The following FIGNL2 variants were observed in gnomAD, a reference collection of about 807,000 sequenced individuals.
FIGNL2 encodes fidgetin-like protein 2.
For synonymous variants in FIGNL2, 565 were observed against 484.0 expected (o/e 1.17, Z -2.20); for missense variants, 1,060 against 950.2 (o/e 1.12, Z -1.52).
intron 1 of FIGNL2, chr12:51,846,892 A>C: frequency 1.4e-6 from 1 of 712,668 alleles, no homozygotes; most frequent in Non-Finnish European, 1.7e-6. Flanking sequence ...CTTGGATGCC[A>C]ATGGAATCAA....
In FIGNL2 at chr12:51,818,924, C is replaced by T. The variant is rs2138964863; in HGVS notation, c.*1528G>A. 3 of 152,442 alleles carry T rather than the reference C, an allele frequency of 2.0e-5. No homozygotes were observed. In the South Asian group the frequency reaches 6.2e-4, roughly 32 times the overall value. 9.4% of individuals were successfully genotyped at this position (152,442 alleles called of 1,614,324 possible). A position where few individuals can be genotyped will look rare whatever the true frequency, so the allele number is the denominator to read the frequency against. ...GCCCCCAAGGTCAGAGAAAACACCC[C>T]TGCCCATCTCCCTCACCCTCTCCCA... On this transcript the variant is annotated 3_prime_UTR_variant, in exon 2 of 2. Coordinates refer to ENST00000618634, the MANE Select transcript of FIGNL2 (RefSeq NM_001384995.1).
At chr12:51,834,090 C>CAGACGGATGGGT (rs1939532222) in intron 1 of FIGNL2, among the ~76,000 whole-genome samples, 8 of 132,682 alleles carry the variant, frequency 6.0e-5, no homozygotes, top group Middle Eastern at 4.1e-3. Context: ...GACAGACAGA[C>CAGACGGATGGGT]GGATGGGTGG....
chr12:51,818,676 GC>G lies in FIGNL2; in HGVS notation c.*1775del, dbSNP rs1383912527. On this transcript the variant is annotated 3_prime_UTR_variant, in exon 2 of 2. Coordinates refer to ENST00000618634, the MANE Select transcript of FIGNL2 (RefSeq NM_001384995.1). ...GCAGTAGACTCTAGGAAATGCACGG[GC>G]AGGCAAGGAACTGCACAGGAGGCTG... The G allele has an allele frequency of 6.6e-5, 10 of 152,536 alleles. No individual in the cohort carries two copies. The highest frequency in any genetic ancestry group is 2.4e-4 in the African/African-American group (10 of 41,566). 9.4% of individuals were successfully genotyped at this position (152,536 alleles called of 1,614,324 possible).
chr12:51,836,322 GC>G (rs936486036), intron 1 of FIGNL2, among the ~76,000 whole-genome samples: 4 of 152,110 alleles, frequency 2.6e-5, no homozygotes, highest in Non-Finnish European at 4.4e-5. Flanking sequence ...GGGCTGCGCT[GC>G]CCTCCCCCAT....
At chr12:51,836,700 G>T (rs1939584154) in intron 1 of FIGNL2, among the ~76,000 whole-genome samples, 1 of 152,126 alleles carries the variant, frequency 6.6e-6, no homozygotes, top group Non-Finnish European at 1.5e-5. Flanking sequence ...CATTGAATAA[G>T]CCCCCACCAT....
intron 1 of FIGNL2, among the ~76,000 whole-genome samples, chr12:51,834,532 G>A (rs571454466): frequency 9.9e-5 from 15 of 152,252 alleles, no homozygotes; most frequent in South Asian, 2.1e-4. Context: ...TGCGGAGGCC[G>A]CCCCGCCAGT....
chr12:51,837,725 T>TA (rs1405670726), intron 1 of FIGNL2: 1 of 152,250 alleles, frequency 6.6e-6, no homozygotes, highest in African/African-American at 2.4e-5. Context: ...AGCTAGGCAA[T>TA]ATCCAGGAAC....
Position 51,821,042 on chromosome 12 carries a change from C to G in FIGNL2, c.1372G>C (p.Gly458Arg). 8.4e-7 allele frequency: 1 copy of G among 1,192,576 alleles called. No individual in the cohort carries two copies. Among genetic ancestry groups the G allele is most frequent in the Non-Finnish European group, 1.0e-6 (1 of 964,620 alleles). The allele number at this position is 1,192,576 out of a possible 1,614,324, so 73.9% of individuals were successfully genotyped here. ...GCGCCGGGCGCAGCCAGGGTCGCGC[C>G]GCGCAGGCGCAACAGCGTGGCGCCC... Reference protein sequence around the residue: ...QLGATLLRLRGATLAAPGAAE... With the variant: ...QLGATLLRLRRATLAAPGAAE... The change falls in exon 2 of 2, where the codon GGC (glycine) becomes CGC (arginine). Residue 458 changes from glycine to arginine, a missense_variant. Physicochemically the swap from Gly to Arg is moderately radical, Grantham distance 125. Coordinates refer to ENST00000618634, the MANE Select transcript of FIGNL2 (RefSeq NM_001384995.1).
At chr12:51,826,232 G>C (rs538571525) in intron 1 of FIGNL2, among the ~76,000 whole-genome samples, 14 of 152,042 alleles carry the variant, frequency 9.2e-5, no homozygotes, top group Non-Finnish European at 1.8e-4. Context: ...CTTGACCCTG[G>C]GTTCCCCACT....
Position 51,822,125 on chromosome 12 carries a change from C to T in FIGNL2, c.289G>A (p.Glu97Lys), listed in dbSNP as rs746898857. 2 of 1,610,746 alleles carry T rather than the reference C, an allele frequency of 1.2e-6. No homozygotes were observed. The highest frequency in any genetic ancestry group is 2.2e-5 in the East Asian group (1 of 44,702). ...GGTGGCTCCGGCCCTGGCCAGGGCT[C>T]GGGATCCCCTTTGGCGCCGTTGAGG... ...SFLNGAKGDP[E>K]PWPGPEPPYP... Residue 97 changes from glutamate (E) to lysine (K), a missense_variant, in exon 2 of 2, where the codon GAG becomes AAG. Transcript: ENST00000618634.
At chr12:51,827,991 C>G (rs1282197311) in intron 1 of FIGNL2, among the ~76,000 whole-genome samples, 1 of 152,224 alleles carries the variant, frequency 6.6e-6, no homozygotes, top group Non-Finnish European at 1.5e-5. Flanking sequence ...CCCTGAACCA[C>G]TTGCCTATAA....
At chr12:51,833,954 C>CGGAT (rs1190165019) in intron 1 of FIGNL2, among the ~76,000 whole-genome samples, 2 of 127,916 alleles carry the variant, frequency 1.6e-5, no homozygotes, top group East Asian at 2.2e-4. Context: ...GACAGACGGA[C>CGGAT]GGATGGATGG....
At chr12:51,829,444 C>G (rs139723424) in intron 1 of FIGNL2, among the ~76,000 whole-genome samples, 59 of 152,128 alleles carry the variant, frequency 3.9e-4, no homozygotes, top group African/African-American at 1.4e-3. Context: ...CTGCCACAGC[C>G]CTGGCACCTA....
chr12:51,833,341 C>A (rs999079514), intron 1 of FIGNL2, among the ~76,000 whole-genome samples: 7 of 152,222 alleles, frequency 4.6e-5, no homozygotes. Flanking sequence ...GCATGGGCCA[C>A]TGTGCCTGGC....
intron 1 of FIGNL2, among the ~76,000 whole-genome samples, chr12:51,828,868 C>T (rs543350074): frequency 6.6e-6 from 1 of 152,348 alleles, no homozygotes; most frequent in African/African-American, 2.4e-5. Context: ...TCTAACCTTC[C>T]TTTCTCATTA....
chr12:51,822,493 T>C, intron 1 of FIGNL2, 69 bp from the exon 2 acceptor site: 1 of 1,567,088 alleles, frequency 6.4e-7, no homozygotes, highest in African/African-American at 1.4e-5. Context: ...CTGCTAGCCA[T>C]AGGCCAGTCC....
At chr12:51,839,566 T>C (rs1015788290) in intron 1 of FIGNL2, among the ~76,000 whole-genome samples, 5 of 152,178 alleles carry the variant, frequency 3.3e-5, no homozygotes, top group African/African-American at 4.8e-5. Flanking sequence ...ACAGAGACGA[T>C]GTTAACCCTT....
chr12:51,832,643 C>A (rs1939494388), intron 1 of FIGNL2, among the ~76,000 whole-genome samples: 1 of 152,092 alleles, frequency 6.6e-6, no homozygotes, highest in African/African-American at 2.4e-5. Flanking sequence ...GCCTTCTTTT[C>A]CCTCTCCATG....
intron 1 of FIGNL2, chr12:51,847,301 G>A (rs957735343): frequency 1.7e-5 from 17 of 985,420 alleles, no homozygotes; most frequent in Non-Finnish European, 2.0e-5. Flanking sequence ...GAGACTGGGC[G>A]GCTCCACAGG....
Sources: gnomAD v4.1 joint callset for allele counts (sites outside exome capture counted in the v4.1 genomes callset) on GRCh38, gnomAD v4.1.1 for gene constraint, MANE v1.5 for transcripts, NCBI Gene and HGNC (gene_info 2026-07-23, HGNC 2026-07-21) for gene names.